The following ZDHHC11B variants were observed in gnomAD, a reference collection of about 807,000 sequenced individuals.
ZDHHC11B encodes zDHHC palmitoyltransferase 11B (putative), also known as probable palmitoyltransferase ZDHHC11B.
Under a neutral mutation model 42.3 loss-of-function variants are expected in ZDHHC11B, and 17 were observed. The observed-to-expected ratio is 0.40, with a 90% confidence interval of 0.27 to 0.60. The LOEUF (loss-of-function observed/expected upper bound fraction) is 0.60, where lower values mean the gene tolerates loss of function less well. ZDHHC11B is among the 20% of genes least tolerant of loss of function. ZDHHC11B has a pLI of 0.41. For synonymous variants in ZDHHC11B, 123 were observed against 193.5 expected (o/e 0.64, Z 3.02); for missense variants, 262 against 463.2 (o/e 0.57, Z 3.99).
At chr5:773,123 T>C (rs867987618) in intron 1 of ZDHHC11B, among the ~76,000 whole-genome samples, 11 of 151,854 alleles carry the variant, frequency 7.2e-5, no homozygotes, top group African/African-American at 2.4e-4. Context: ...ATGACGGTAA[T>C]AAGAATACAT....
intron 4 of ZDHHC11B, among the ~76,000 whole-genome samples, chr5:756,383 T>A (rs1733838475): frequency 6.6e-6 from 1 of 151,038 alleles, no homozygotes; most frequent in Non-Finnish European, 1.5e-5. Flanking sequence ...CCCAGCCCCG[T>A]CCACTCGGCC....
intron 1 of ZDHHC11B, among the ~76,000 whole-genome samples, chr5:771,153 G>A (rs571494259): frequency 3.3e-5 from 5 of 151,948 alleles, no homozygotes; most frequent in South Asian, 2.1e-4. Flanking sequence ...ACACATGTGC[G>A]TGTCCCAACC....
At chr5:729,096 G>C (rs1447855225) in intron 12 of ZDHHC11B, among the ~76,000 whole-genome samples, 1 of 151,418 alleles carries the variant, frequency 6.6e-6, no homozygotes, top group East Asian at 1.9e-4. Flanking sequence ...ATCTGTGAGG[G>C]GGAGACCGGG....
intron 6 of ZDHHC11B, 95 bp downstream of exon 6, chr5:754,903 C>T (rs755483216): frequency 6.4e-6 from 5 of 780,818 alleles, no homozygotes; most frequent in African/African-American, 3.4e-5. Flanking sequence ...GAGGACCCTC[C>T]ACCCTTTCAA....
intron 12 of ZDHHC11B, among the ~76,000 whole-genome samples, chr5:727,762 C>G (rs1483215850): frequency 7.9e-6 from 1 of 127,358 alleles, no homozygotes; most frequent in Non-Finnish European, 1.7e-5. Context: ...AACCTTAGCT[C>G]TCTCCCTGTA....
At chr5:712,983 C>A (rs1741484591) in intron 13 of ZDHHC11B, among the ~76,000 whole-genome samples, 1 of 150,356 alleles carries the variant, frequency 6.7e-6, no homozygotes, top group Non-Finnish European at 1.5e-5. Flanking sequence ...TATGTTGTGT[C>A]TAGAATTTTA....
chr5:775,770 CCT>C lies in ZDHHC11B; in HGVS notation c.-229-6842_-229-6841del, dbSNP rs201710518. ...GGCAGGGGCCATGCTGGCTCAGATG[CCT>C]CTCTCCAACCCCTTCCTTCCATGCC... On this transcript the variant is annotated intron_variant, in intron 1 of 13. Transcript: ENST00000508859. Among the ~76,000 whole-genome samples the C allele has an allele frequency of 7.9e-3, 1,194 of 151,474 alleles. 31 individuals carry two copies. The highest frequency in any genetic ancestry group is 0.027 in the African/African-American group (1,101 of 41,052).
chr5:770,489 C>T (rs1185362821), intron 1 of ZDHHC11B, among the ~76,000 whole-genome samples: 1 of 151,030 alleles, frequency 6.6e-6, no homozygotes, highest in Non-Finnish European at 1.5e-5. Flanking sequence ...TATTCCGGGT[C>T]CCCTCCCCGC....
chr5:767,010 A>G (rs1489469498), intron 3 of ZDHHC11B, 91 bp from the exon 4 acceptor site: 23 of 1,443,880 alleles, frequency 1.6e-5, no homozygotes, highest in East Asian at 2.3e-5. Context: ...GACTGGGAAC[A>G]TGGCCCCCAG....
intron 12 of ZDHHC11B, among the ~76,000 whole-genome samples, chr5:724,822 A>G (rs548672208): frequency 1.3e-5 from 2 of 148,478 alleles, no homozygotes; most frequent in South Asian, 4.4e-4. Flanking sequence ...CAAAACCTGA[A>G]CCCAGCACCT....
chr5:766,074 C>T lies in ZDHHC11B; in HGVS notation c.222+624G>A, dbSNP rs115980605. Among the ~76,000 whole-genome samples, 300 of 151,908 alleles carry T rather than the reference C, an allele frequency of 2.0e-3. 1 individual carries two copies. The highest frequency in any genetic ancestry group is 7.0e-3 in the African/African-American group (288 of 41,358). On this transcript the variant is annotated intron_variant, in intron 4 of 13. Coordinates refer to ENST00000508859, the MANE Select transcript of ZDHHC11B (RefSeq NM_001351303.2). ...TGACCCTAGGGGGCCTGGGGTTTCT[C>T]AACTGAATGCCATGGTCAGCTGGAG...
intron 4 of ZDHHC11B, among the ~76,000 whole-genome samples, chr5:760,498 C>T (rs771946332): frequency 2.6e-5 from 4 of 151,588 alleles, no homozygotes; most frequent in Non-Finnish European, 4.4e-5. Context: ...TTCCAGACCC[C>T]GGGCCCCAGA....
rs538010750 is a variant in ZDHHC11B at position 770,500 on chromosome 5, C to T, written c.-229-1570G>A. Among the ~76,000 whole-genome samples, 811 of 151,006 alleles carry T rather than the reference C, an allele frequency of 5.4e-3. 2 individuals carry two copies. The highest frequency in any genetic ancestry group is 0.019 in the African/African-American group (772 of 41,068). Reference sequence around the variant, plus strand: ...AGCCTATTCCGGGTCCCCTCCCCGCCGCAGTTCCACTGTCCCTCCTGTGGA... The same window carrying T: ...AGCCTATTCCGGGTCCCCTCCCCGCTGCAGTTCCACTGTCCCTCCTGTGGA... On this transcript the variant is annotated intron_variant, in intron 1 of 13. Transcript: ENST00000508859.
intron 10 of ZDHHC11B, among the ~76,000 whole-genome samples, chr5:737,270 T>C (rs1264544426): frequency 6.8e-6 from 1 of 147,516 alleles, no homozygotes; most frequent in African/African-American, 2.6e-5. Context: ...CAGGAAGAAA[T>C]AGAAACTCGT....
intron 1 of ZDHHC11B, among the ~76,000 whole-genome samples, chr5:777,525 AGCG>A (rs1475463633): frequency 6.6e-5 from 10 of 151,864 alleles, no homozygotes; most frequent in African/African-American, 1.7e-4. Context: ...AACTTTCCAC[AGCG>A]GAGAAGAGAA....
intron 10 of ZDHHC11B, among the ~76,000 whole-genome samples, chr5:737,845 A>G (rs1743713020): frequency 6.9e-6 from 1 of 145,166 alleles, no homozygotes; most frequent in Non-Finnish European, 1.5e-5. Context: ...AGCCAACATT[A>G]TACTGAATGG....
At chr5:781,408 C>T (rs147640292) in intron 1 of ZDHHC11B, among the ~76,000 whole-genome samples, 287 of 852 alleles carry the variant, frequency 0.34, 1 homozygote, top group African/African-American at 0.43. Context: ...GTTGGTGGCA[C>T]TCCCTGGGCG....
intron 3 of ZDHHC11B, 118 bp downstream of exon 3, chr5:767,274 T>C: frequency 3.3e-6 from 4 of 1,216,574 alleles, no homozygotes; most frequent in East Asian, 2.3e-5. Context: ...TGAGCTGCCA[T>C]CTGGACGGCT....
intron 12 of ZDHHC11B, among the ~76,000 whole-genome samples, chr5:724,314 TC>T (rs1227604812): frequency 8.2e-5 from 12 of 147,148 alleles, no homozygotes; most frequent in African/African-American, 3.0e-4. Context: ...CAAGCGATTC[TC>T]CTGCCTCAGC....
Sources: gnomAD v4.1 joint callset for allele counts (sites outside exome capture counted in the v4.1 genomes callset) on GRCh38, gnomAD v4.1.1 for gene constraint, MANE v1.5 for transcripts, NCBI Gene and HGNC (gene_info 2026-07-23, HGNC 2026-07-21) for gene names.